The following ARHGEF3 variants were observed in gnomAD, a reference collection of about 807,000 sequenced individuals.
ARHGEF3 encodes the protein Rho guanine nucleotide exchange factor 3.
Under a neutral mutation model 63.2 loss-of-function variants are expected in ARHGEF3, and 28 were observed. The observed-to-expected ratio is 0.44, with a 90% CI of 0.33 to 0.61. The LOEUF (loss-of-function observed/expected upper bound fraction) is 0.61, where lower values mean the gene tolerates loss of function less well. Among genes scored for constraint, ARHGEF3 ranks in the 20% least tolerant of loss-of-function variants. The probability of loss-of-function intolerance (pLI) is 0.03; values close to 1 mark genes in which losing one functional copy is unlikely to be tolerated. For synonymous variants in ARHGEF3, 266 were observed against 254.2 expected (o/e 1.05, Z -0.44); for missense variants, 533 against 659.3 (o/e 0.81, Z 2.10).
chr3:56,737,145 G>C (rs200514360), intron 8 of ARHGEF3, 40 bp downstream of exon 8: 1 of 1,547,728 alleles, frequency 6.5e-7, no homozygotes. Flanking sequence ...TTAGGGATAC[G>C]GGAGGCGGAT....
In ARHGEF3 at chr3:56,745,521, C is replaced by T. The variant is rs192861827; in HGVS notation, c.613-59G>A. 632 of 1,575,638 alleles carry T rather than the reference C, an allele frequency of 4.0e-4. 1 individual carries two copies. In the East Asian group the frequency reaches 4.3e-3, roughly 11 times the overall value. ...TCAAAATAATTGAGCTCTGAGGCTA[C>T]GGTGGCATCATTTATTGGGACTGAA... On this transcript the variant is annotated intron_variant, in intron 6 of 9. Transcript: ENST00000296315.
chr3:56,955,494 C>T (rs1218791657), intron 3 of ARHGEF3, among the ~76,000 whole-genome samples: 1 of 152,176 alleles, frequency 6.6e-6, no homozygotes, highest in Non-Finnish European at 1.5e-5. Context: ...TGAGCCACTG[C>T]GCCCGGCCTG....
intron 2 of ARHGEF3, among the ~76,000 whole-genome samples, chr3:56,990,023 A>ACGCTACCCAGCTT: frequency 6.6e-6 from 1 of 152,196 alleles, no homozygotes. Flanking sequence ...TAAAACAATG[A>ACGCTACCCAGCTT]CGCTACCCAG....
chr3:56,896,174 T>C (rs370876848), intron 3 of ARHGEF3, among the ~76,000 whole-genome samples: 2 of 152,338 alleles, frequency 1.3e-5, no homozygotes, highest in African/African-American at 4.8e-5. Flanking sequence ...TTTATTTTAA[T>C]ATAGTTTCAA....
intron 3 of ARHGEF3, among the ~76,000 whole-genome samples, chr3:56,918,397 C>T (rs2042038485): frequency 6.6e-6 from 1 of 152,200 alleles, no homozygotes; most frequent in Non-Finnish European, 1.5e-5. Flanking sequence ...TGAACAAATC[C>T]TAGAATGATT....
intron 2 of ARHGEF3, among the ~76,000 whole-genome samples, chr3:56,993,892 G>A (rs1045184717): frequency 6.6e-5 from 10 of 150,516 alleles, no homozygotes; most frequent in African/African-American, 9.7e-5. Flanking sequence ...GTGAAAACCC[G>A]TCTCTACTAA....
chr3:56,977,302 T>C (rs1237487028), intron 2 of ARHGEF3: 1 of 456,680 alleles, frequency 2.2e-6, no homozygotes, highest in East Asian at 6.9e-5. Flanking sequence ...ACATGGTCCA[T>C]CTAAAGCACA....
chr3:56,890,651 C>T (rs2041089154), intron 3 of ARHGEF3, among the ~76,000 whole-genome samples: 1 of 152,204 alleles, frequency 6.6e-6, no homozygotes, highest in Non-Finnish European at 1.5e-5. Context: ...CAAACACTCT[C>T]AGGATACCTT....
chr3:56,958,852 G>C lies in ARHGEF3; in HGVS notation c.100C>G (p.Pro34Ala), dbSNP rs377103992. 1.5e-5 allele frequency: 23 copies of C among 1,551,534 alleles called. No homozygotes were observed. The African/African-American group carries it at 3.1e-4, about 21-fold the overall frequency. The change falls in exon 3 of 13, where the codon CCC becomes GCC. Residue 34 changes from proline to alanine, a missense_variant. Transcript: ENST00000338458. ...CTGAAATTCCAGGCTTTAGGAGAGG[G>C]AAACATGGGAAAGTTGTTTTGCCGC... is the stretch of plus-strand genomic sequence containing the variant.
intron 4 of ARHGEF3, among the ~76,000 whole-genome samples, chr3:56,825,991 T>G (rs187534069): frequency 1.3e-5 from 2 of 152,294 alleles, no homozygotes; most frequent in East Asian, 3.9e-4. Context: ...TAGTAACTGG[T>G]TCAGGAAGAG....
intron 1 of ARHGEF3, among the ~76,000 whole-genome samples, chr3:57,059,410 A>G (rs897540545): frequency 2.0e-5 from 3 of 150,368 alleles, no homozygotes; most frequent in African/African-American, 7.3e-5. Flanking sequence ...ATGTTTTTTA[A>G]AAGTTTATGA....
intron 4 of ARHGEF3, among the ~76,000 whole-genome samples, chr3:56,822,643 C>T (rs1375883372): frequency 1.3e-5 from 2 of 152,074 alleles, no homozygotes; most frequent in Non-Finnish European, 2.9e-5. Context: ...GGTTGATTGC[C>T]TGAGCTCAAG....
chr3:56,849,025 T>G (rs1388117903), intron 4 of ARHGEF3, among the ~76,000 whole-genome samples: 1 of 152,218 alleles, frequency 6.6e-6, no homozygotes, highest in Admixed American at 6.5e-5. Context: ...GAGGCTGAAC[T>G]GAACACTAAT....
chr3:56,866,612 C>T (rs2040255836), intron 4 of ARHGEF3, among the ~76,000 whole-genome samples: 1 of 152,192 alleles, frequency 6.6e-6, no homozygotes, highest in South Asian at 2.1e-4. Flanking sequence ...ACAGCTAGAA[C>T]ATATTCTGAG....
In ARHGEF3 at chr3:56,741,427, G is replaced by A. The variant is rs544992458; in HGVS notation, c.870+3778C>T. Among the ~76,000 whole-genome samples, 455 of 148,818 alleles carry A rather than the reference G, an allele frequency of 3.1e-3. 5 individuals are homozygous for A. Among genetic ancestry groups the A allele is most frequent in the African/African-American group, 0.011 (427 of 40,392 alleles). ...TCGAACTCCTGACCTCAGGTGATCC[G>A]CCTGCCTTGGCCTCCCAAAGTGCTG... On this transcript the variant is annotated intron_variant, in intron 7 of 9. Coordinates refer to ENST00000296315, the MANE Select transcript of ARHGEF3 (RefSeq NM_019555.3).
At chr3:56,905,945 A>T (rs1320409096) in intron 3 of ARHGEF3, among the ~76,000 whole-genome samples, 1 of 151,862 alleles carries the variant, frequency 6.6e-6, no homozygotes, top group Non-Finnish European at 1.5e-5. Context: ...GCTCACTGCA[A>T]CCTCAGCCTC....
At chr3:56,929,088 C>T (rs957907948) in intron 3 of ARHGEF3, among the ~76,000 whole-genome samples, 16 of 152,132 alleles carry the variant, frequency 1.1e-4, no homozygotes, top group Admixed American at 1.0e-3. Context: ...AGAGAGACCT[C>T]CAGGAGGGCC....
intron 2 of ARHGEF3, among the ~76,000 whole-genome samples, chr3:56,999,625 G>A (rs1024408412): frequency 2.0e-5 from 3 of 152,166 alleles, no homozygotes; most frequent in African/African-American, 4.8e-5. Flanking sequence ...GGGCAATATA[G>A]CCAGACCCCA....
At chr3:56,788,349 T>A (rs7611544) in intron 1 of ARHGEF3, among the ~76,000 whole-genome samples, 1 of 152,022 alleles carries the variant, frequency 6.6e-6, no homozygotes, top group African/African-American at 2.4e-5. Context: ...ATTGTCGTGT[T>A]GTTAATGACT....
Sources: allele counts gnomAD v4.1 joint callset (sites outside exome capture counted in the v4.1 genomes callset), GRCh38; gene constraint gnomAD v4.1.1; transcripts MANE v1.5; gene names NCBI Gene and HGNC (gene_info 2026-07-23, HGNC 2026-07-21).